Variants in PSD4 observed in about 807,000 individuals in gnomAD.
PSD4 encodes the protein pleckstrin and Sec7 domain containing 4, also known as PH and SEC7 domain-containing protein 4.
PSD4 carries 59 observed loss-of-function variants against 112.5 expected under a neutral mutation model. The ratio of observed to expected loss-of-function variants is 0.52; its 90% CI spans 0.43 to 0.65. The LOEUF is 0.65. PSD4 is among the 30% of genes least tolerant of loss of function. PSD4 has a pLI of 0.00. For missense variants in PSD4, 1,267 were observed against 1,352.6 expected, an observed-to-expected ratio of 0.94 and a Z score of 0.99; for synonymous variants, 533 against 540.0, an observed-to-expected ratio of 0.99 and a Z score of 0.18.
At chr2:113,191,562 G>A (rs1352444199) in intron 5 of PSD4, among the ~76,000 whole-genome samples, 2 of 152,134 alleles carry the variant, frequency 1.3e-5, no homozygotes, top group South Asian at 2.1e-4. Flanking sequence ...TGAGTACTGC[G>A]CCCAGGCCCC....
Position 113,185,990 on chromosome 2 carries a change from G to A in PSD4, c.1363G>A (p.Gly455Ser), listed in dbSNP as rs756179864. ...EPSSPESESR[G>S]PGPRPSPASS... ...TAGCAGCCCAGAATCTGAGAGCAGA[G>A]GCCCTGGTCCCAGGCCCAGCCCTGC... Residue 455 changes from glycine to serine, a missense_variant, in exon 5 of 17, where the codon GGC becomes AGC. This residue lies in a region of PSD4 where 723 missense variants were observed against 704.0 expected (regional missense o/e 1.03). Coordinates refer to ENST00000245796, the MANE Select transcript of PSD4 (RefSeq NM_012455.3). The A allele has an allele frequency of 4.3e-6, 7 of 1,614,170 alleles. No homozygotes were observed. In the East Asian group the frequency reaches 1.6e-4, roughly 36 times the overall value.
intron 14 of PSD4, chr2:113,198,140 A>AGTAT: frequency 1.9e-6 from 1 of 519,272 alleles, no homozygotes; most frequent in South Asian, 3.7e-5. Context: ...TTGCCAGCAC[A>AGTAT]GTATGCCTTT....
intron 16 of PSD4, among the ~76,000 whole-genome samples, chr2:113,200,048 A>G (rs915479619): frequency 6.6e-6 from 1 of 151,166 alleles, no homozygotes; most frequent in Non-Finnish European, 1.5e-5. Flanking sequence ...CTGGACTTGA[A>G]CTCCTGGCCT....
chr2:113,196,608 G>GCCC (rs1688621537), intron 12 of PSD4: 1 of 306,286 alleles, frequency 3.3e-6, no homozygotes, highest in Non-Finnish European at 6.1e-6. Context: ...TGTAGCAAGA[G>GCCC]CTGAGTGTCT....
At position 113,182,745 on chromosome 2, in the gene PSD4, C is replaced by G; in HGVS notation, c.289C>G (p.Pro97Ala). ...CQEQTRATDP[P>A]ESTRQDAPPW... ...GGAGCAAACCCGGGCCACTGACCCTCCTGAATCTACCAGACAAGATGCTCC... is the reference window on the plus strand; with the variant it reads ...GGAGCAAACCCGGGCCACTGACCCTGCTGAATCTACCAGACAAGATGCTCC... The change falls in exon 2 of 17, where the codon CCT becomes GCT. Residue 97 changes from proline (P) to alanine (A), a missense_variant. Pro to Ala is a conservative substitution (Grantham distance 27). Coordinates refer to ENST00000245796, the MANE Select transcript of PSD4 (RefSeq NM_012455.3). 1.3e-6 allele frequency: 2 copies of G among 1,596,062 alleles called. No individual in the cohort carries two copies.
intron 1 of PSD4, among the ~76,000 whole-genome samples, chr2:113,176,230 C>T (rs890915262): frequency 2.6e-5 from 4 of 152,224 alleles, no homozygotes; most frequent in Admixed American, 6.5e-5. Context: ...TAGAAAGCAC[C>T]GTCCGGGTGC....
chr2:113,197,501 GTC>G (rs1688644796), intron 12 of PSD4, 61 bp from the exon 13 acceptor site: 6 of 1,579,432 alleles, frequency 3.8e-6, no homozygotes, highest in Non-Finnish European at 5.2e-6. Flanking sequence ...ACTTGCGTGT[GTC>G]TGAGTGTGTC....
chr2:113,175,602 C>T (rs977436868), intron 1 of PSD4, among the ~76,000 whole-genome samples: 9 of 152,138 alleles, frequency 5.9e-5, no homozygotes, highest in African/African-American at 9.7e-5. Flanking sequence ...GTCCTTGGAC[C>T]GGCCAGAAGC....
chr2:113,189,678 A>G (rs982621061), intron 5 of PSD4, among the ~76,000 whole-genome samples: 1 of 152,042 alleles, frequency 6.6e-6, no homozygotes, highest in African/African-American at 2.4e-5. Context: ...GCCAACGTCT[A>G]TTTTTTGATT....
intron 12 of PSD4, chr2:113,197,318 A>G: frequency 1.8e-6 from 1 of 564,914 alleles, no homozygotes; most frequent in Non-Finnish European, 3.2e-6. Flanking sequence ...GAATATCTAT[A>G]TTTGGATGTG....
In PSD4 at chr2:113,209,147, G is replaced by C. The variant is rs1264626491; in HGVS notation, c.*7732G>C. 1 of 152,208 alleles carries C rather than the reference G, an allele frequency of 6.6e-6. No individual in the cohort carries two copies. The highest frequency in any genetic ancestry group is 6.5e-5 in the Admixed American group (1 of 15,276). 9.4% of individuals were successfully genotyped at this position (152,208 alleles called of 1,614,324 possible). On this transcript the variant is annotated 3_prime_UTR_variant, in exon 17 of 17. Coordinates refer to ENST00000245796, the MANE Select transcript of PSD4 (RefSeq NM_012455.3). ...GTACATTGCCCTCTTGTGAATGAGA[G>C]CCATGTATGTGACCACAACACCCTT...
At chr2:113,176,751 G>A (rs1167798508) in intron 1 of PSD4, among the ~76,000 whole-genome samples, 1 of 152,196 alleles carries the variant, frequency 6.6e-6, no homozygotes, top group Non-Finnish European at 1.5e-5. Flanking sequence ...AAAAACACAA[G>A]TAAACCAAGA....
chr2:113,197,031 T>C (rs895807937), intron 12 of PSD4, among the ~76,000 whole-genome samples: 1 of 152,234 alleles, frequency 6.6e-6, no homozygotes, highest in Non-Finnish European at 1.5e-5. Flanking sequence ...AGGGCTGCCT[T>C]TTGTCCAAGG....
chr2:113,188,226 AT>A (rs1688351809), intron 5 of PSD4, among the ~76,000 whole-genome samples: 1 of 152,184 alleles, frequency 6.6e-6, no homozygotes, highest in South Asian at 2.1e-4. Context: ...ATAAATTATC[AT>A]AAAATTGTAC....
Position 113,196,144 on chromosome 2 carries a change from C to T in PSD4, c.2226-3C>T. 3 of 1,606,418 alleles carry T rather than the reference C, an allele frequency of 1.9e-6. No homozygotes were observed. The highest frequency in any genetic ancestry group is 2.2e-5 in the South Asian group (2 of 90,856). ...ACTTCCAGCCCGATTCTCTGATGTT[C>T]AGGGATGAAGAAGACACAGCCAGAC... On this transcript the variant is annotated splice_polypyrimidine_tract_variant and splice_region_variant and intron_variant, in intron 11 of 16. Transcript: ENST00000245796.
At position 113,197,771 on chromosome 2, in the gene PSD4, G is replaced by C. The variant is rs780617813; in HGVS notation, c.2482G>C (p.Gly828Arg). The C allele has an allele frequency of 3.1e-6, 5 of 1,610,628 alleles. No individual in the cohort carries two copies. The highest frequency in any genetic ancestry group is 2.2e-5 in the East Asian group (1 of 44,746). ...LKQGEDHCLEGESLVGQMVDE... is the reference protein window; with the variant it reads ...LKQGEDHCLERESLVGQMVDE... ...GCAGGGAGAAGACCACTGTCTGGAGGGGGAGAGCTTGGTGGGGCAGATGGT... is the reference window on the plus strand; with the variant it reads ...GCAGGGAGAAGACCACTGTCTGGAGCGGGAGAGCTTGGTGGGGCAGATGGT... The change falls in exon 14 of 17, where the codon GGG becomes CGG. Residue 828 changes from glycine (G) to arginine (R), a missense_variant. Physicochemically the swap from Gly to Arg is moderately radical, Grantham distance 125. Coordinates refer to ENST00000245796, the MANE Select transcript of PSD4 (RefSeq NM_012455.3).
At chr2:113,174,302 A>G (rs1687906196) in intron 1 of PSD4, among the ~76,000 whole-genome samples, 1 of 151,654 alleles carries the variant, frequency 6.6e-6, no homozygotes, top group Non-Finnish European at 1.5e-5. Context: ...CCCTTCTCTG[A>G]TTCCCTGCCC....
chr2:113,198,341 G>A (rs369096738), intron 14 of PSD4, among the ~76,000 whole-genome samples: 45 of 152,300 alleles, frequency 3.0e-4, no homozygotes, highest in African/African-American at 1.0e-3. Context: ...CTCTCACCTC[G>A]GCTCACTGCA....
chr2:113,207,979 C>G lies in PSD4; in HGVS notation c.*6564C>G, dbSNP rs1404915126. 1 of 152,178 alleles carries G rather than the reference C, an allele frequency of 6.6e-6. No homozygotes were observed. The highest frequency in any genetic ancestry group is 1.5e-5 in the Non-Finnish European group (1 of 68,062). The allele number at this position is 152,178 out of a possible 1,614,324, so 9.4% of individuals were successfully genotyped here. A position where few individuals can be genotyped will look rare whatever the true frequency, so the allele number is the denominator to read the frequency against. On this transcript the variant is annotated 3_prime_UTR_variant, in exon 17 of 17. Coordinates refer to ENST00000245796, the MANE Select transcript of PSD4 (RefSeq NM_012455.3). ...CTCAATTCACTGCAACCTCTGCCTC[C>G]CGGGTTCAAGCAATTCTCCTTCCTC...
Sources: gnomAD v4.1 joint callset for allele counts (sites outside exome capture counted in the v4.1 genomes callset) on GRCh38, gnomAD v4.1.1 for gene constraint, gnomAD v4.1.1 regional missense constraint, MANE v1.5 for transcripts, NCBI Gene and HGNC (gene_info 2026-07-23, HGNC 2026-07-21) for gene names.